IGFBP2: variants seen among roughly 807,000 people sequenced by gnomAD.
IGFBP2 encodes insulin-like growth factor-binding protein 2.
A neutral mutation model predicts 26.2 loss-of-function variants in IGFBP2; 12 were observed. The ratio of observed to expected loss-of-function variants is 0.46; its 90% confidence interval spans 0.29 to 0.74. IGFBP2 has a LOEUF of 0.74. Among genes scored for constraint, IGFBP2 ranks in the 30% least tolerant of loss-of-function variants. IGFBP2 has a pLI of 0.09. For synonymous variants in IGFBP2, 189 were observed against 200.6 expected, an observed-to-expected ratio of 0.94 and a Z score of 0.49; for missense variants, 328 against 441.2, an observed-to-expected ratio of 0.74 and a Z score of 2.30.
chr2:216,663,749 C>A, intron 3 of IGFBP2, 191 bp from the exon 4 acceptor site: 1 of 544,954 alleles, frequency 1.8e-6, no homozygotes, highest in Non-Finnish European at 3.2e-6. Flanking sequence ...GAATTTCCAG[C>A]TCTCCAGGGA....
chr2:216,641,368 T>C (rs1252824019), intron 1 of IGFBP2, among the ~76,000 whole-genome samples: 1 of 152,206 alleles, frequency 6.6e-6, no homozygotes, highest in African/African-American at 2.4e-5. Context: ...AGCCTCAGTT[T>C]TCTTATTTGC....
chr2:216,634,449 AG>A (rs1444817962), intron 1 of IGFBP2, among the ~76,000 whole-genome samples: 2 of 152,144 alleles, frequency 1.3e-5, no homozygotes, highest in Non-Finnish European at 2.9e-5. Context: ...CGGCGTCCCA[AG>A]GGGCCCTTCC....
chr2:216,656,105 T>G (rs9341189), intron 1 of IGFBP2, among the ~76,000 whole-genome samples: 5,362 of 152,182 alleles, frequency 0.035, 136 homozygotes, highest in Non-Finnish European at 0.054. Context: ...CGAATGCACA[T>G]TTATCTGTGT....
chr2:216,640,767 T>C (rs929149042), intron 1 of IGFBP2, among the ~76,000 whole-genome samples: 4 of 152,188 alleles, frequency 2.6e-5, no homozygotes, highest in Non-Finnish European at 5.9e-5. Flanking sequence ...GCAGTTTTGT[T>C]CCTGGACAGC....
At chr2:216,636,434 C>T (rs914148369) in intron 1 of IGFBP2, among the ~76,000 whole-genome samples, 4 of 150,486 alleles carry the variant, frequency 2.7e-5, no homozygotes, top group Admixed American at 2.6e-4. Flanking sequence ...TGCTGGCTTC[C>T]TGGGGATGGC....
At chr2:216,646,412 C>T (rs1445673036) in intron 1 of IGFBP2, among the ~76,000 whole-genome samples, 1 of 152,180 alleles carries the variant, frequency 6.6e-6, no homozygotes, top group East Asian at 1.9e-4. Flanking sequence ...TTGCTCACTG[C>T]CTTTCTTGAC....
intron 1 of IGFBP2, among the ~76,000 whole-genome samples, chr2:216,640,617 A>G (rs1307666892): frequency 1.3e-5 from 2 of 152,132 alleles, no homozygotes; most frequent in Non-Finnish European, 2.9e-5. Flanking sequence ...TCCATTTTGC[A>G]GGTGTGGACA....
chr2:216,659,655 C>T, intron 1 of IGFBP2: 2 of 1,372,276 alleles, frequency 1.5e-6, no homozygotes, highest in South Asian at 2.5e-5. Flanking sequence ...AGGCCTCCTT[C>T]ACCTAGGCTG....
intron 1 of IGFBP2, among the ~76,000 whole-genome samples, chr2:216,651,814 G>A (rs1697830448): frequency 1.3e-5 from 2 of 152,212 alleles, no homozygotes; most frequent in Non-Finnish European, 1.5e-5. Flanking sequence ...GAGTGTAGTG[G>A]TGTAATCTTG....
At position 216,657,410 on chromosome 2, in the gene IGFBP2, G is replaced by A. The variant is rs77369430; in HGVS notation, c.443-3147G>A. Among the ~76,000 whole-genome samples, 604 of 152,266 alleles carry A rather than the reference G, an allele frequency of 4.0e-3. 7 individuals carry two copies. Among genetic ancestry groups the A allele is most frequent in the African/African-American group, 0.014 (569 of 41,544 alleles). On this transcript the variant is annotated intron_variant, in intron 1 of 3. Coordinates refer to ENST00000233809, the MANE Select transcript of IGFBP2 (RefSeq NM_000597.3). Reference sequence around the variant, plus strand: ...TTTGTCTGATCTCAGACTTTCCCCGGCCTTTCTCTTTCACCCTTTTGTTTC... The same window carrying A: ...TTTGTCTGATCTCAGACTTTCCCCGACCTTTCTCTTTCACCCTTTTGTTTC...
intron 1 of IGFBP2, among the ~76,000 whole-genome samples, chr2:216,646,562 T>A (rs1697712585): frequency 6.6e-6 from 1 of 152,216 alleles, no homozygotes; most frequent in Non-Finnish European, 1.5e-5. Context: ...ACGCTGCTGA[T>A]AAAGACATAC....
intron 1 of IGFBP2, among the ~76,000 whole-genome samples, chr2:216,645,836 C>G (rs1199317552): frequency 1.3e-5 from 2 of 152,132 alleles, no homozygotes; most frequent in Admixed American, 6.5e-5. Context: ...AGTCATGACC[C>G]TCGATGCCAT....
chr2:216,662,144 T>G, intron 3 of IGFBP2, 146 bp downstream of exon 3: 4 of 903,054 alleles, frequency 4.4e-6, no homozygotes, highest in South Asian at 3.4e-5. Context: ...GGGATTGGGA[T>G]GCCAGCTGCC....
intron 1 of IGFBP2, among the ~76,000 whole-genome samples, chr2:216,638,242 C>A (rs9341116): frequency 3.3e-5 from 5 of 151,182 alleles, no homozygotes; most frequent in Admixed American, 3.3e-4. Flanking sequence ...CGGTGGCTCA[C>A]GCCTGTAATT....
In IGFBP2 at chr2:216,664,346, C is replaced by T. The variant is rs1180182161; in HGVS notation, c.*242C>T. The T allele has an allele frequency of 2.5e-6, 1 of 399,482 alleles. No homozygotes were observed. The highest frequency in any genetic ancestry group is 4.5e-6 in the Non-Finnish European group (1 of 224,240). 24.7% of individuals were successfully genotyped at this position (399,482 alleles called of 1,614,324 possible). The stretch of plus-strand genomic sequence containing the variant: ...GAGGAAGGGGGTTGTGGTCGGGGAG[C>T]TGGGGTACAGGTTTGGGGAGGGGGA... On this transcript the variant is annotated 3_prime_UTR_variant, in exon 4 of 4. Coordinates refer to ENST00000233809, the MANE Select transcript of IGFBP2 (RefSeq NM_000597.3). The surrounding 1 kb of genome is among the most constrained non-coding windows in gnomAD (Gnocchi z 4.6).
chr2:216,639,694 G>A (rs537543583), intron 1 of IGFBP2, among the ~76,000 whole-genome samples: 2 of 152,118 alleles, frequency 1.3e-5, no homozygotes, highest in East Asian at 3.9e-4. Flanking sequence ...CCAGGCTGGA[G>A]TGCAGTGGCG....
chr2:216,660,741 C>T lies in IGFBP2; in HGVS notation c.627C>T (p.His209=), dbSNP rs1347390958. 3.7e-6 allele frequency: 6 copies of T among 1,611,892 alleles called. No homozygotes were observed. The South Asian group carries it at 6.6e-5, about 18-fold the overall frequency. The stretch of plus-strand genomic sequence containing the variant: ...AGATGGGCAAGGGTGGCAAGCATCA[C>T]CTTGGCCTGGAGGAGCCCAAGAAGC... The part of the protein sequence containing the change: ...HRQMGKGGKH[H]LGLEEPKKLR... Residue 209 remains histidine (H), a synonymous_variant, in exon 2 of 4, where the codon CAC becomes CAT. Transcript: ENST00000233809.
At chr2:216,656,784 G>A (rs1273270215) in intron 1 of IGFBP2, among the ~76,000 whole-genome samples, 1 of 152,212 alleles carries the variant, frequency 6.6e-6, no homozygotes, top group Non-Finnish European at 1.5e-5. Flanking sequence ...CTTCCCAAGA[G>A]GGCAGAGCCA....
At chr2:216,640,949 C>T (rs1697601367) in intron 1 of IGFBP2, among the ~76,000 whole-genome samples, 2 of 152,134 alleles carry the variant, frequency 1.3e-5, no homozygotes, top group Admixed American at 1.3e-4. Context: ...CAGGGTGGGC[C>T]TCTTGAGAGA....
Sources: allele counts gnomAD v4.1 joint callset (sites outside exome capture counted in the v4.1 genomes callset), GRCh38; gene constraint gnomAD v4.1.1; non-coding constraint Gnocchi (gnomAD v3.1); transcripts MANE v1.5; gene names NCBI Gene and HGNC (gene_info 2026-07-23, HGNC 2026-07-21).